The following VSTM1 variants were observed in gnomAD, a reference collection of about 807,000 sequenced individuals.
The protein encoded by VSTM1 is V-set and transmembrane domain-containing protein 1.
In VSTM1, 27 loss-of-function variants were observed where a neutral mutation model predicts 33.1. That is an observed-to-expected ratio of 0.82 (90% CI 0.60 to 1.12). The LOEUF (loss-of-function observed/expected upper bound fraction) is 1.12. Ranked by LOEUF, VSTM1 falls within the 50% of genes most tolerant of loss-of-function variation. The pLI, the probability that VSTM1 is intolerant of heterozygous loss-of-function variation, is 0.00. For synonymous variants in VSTM1, 115 were observed against 110.3 expected (o/e 1.04, Z -0.27); for missense variants, 304 against 288.9 (o/e 1.05, Z -0.38).
At chr19:54,059,842 GTT>G (rs202075904) in intron 1 of VSTM1, among the ~76,000 whole-genome samples, 16 of 139,474 alleles carry the variant, frequency 1.1e-4, no homozygotes, top group East Asian at 6.4e-4. Flanking sequence ...AGAGTGGTGG[GTT>G]TTTTTTTTTT....
intron 6 of VSTM1, 82 bp from the exon 7 acceptor site, chr19:54,042,035 GAGA>G (rs1300606983): frequency 6.2e-6 from 10 of 1,604,546 alleles, no homozygotes; most frequent in Admixed American, 3.3e-5. Context: ...GAGAGGAAGG[GAGA>G]AGAAGGGAGA....
chr19:54,063,372 AAGAG>A (rs371268939), intron 1 of VSTM1, among the ~76,000 whole-genome samples: 2,029 of 152,070 alleles, frequency 0.013, 49 homozygotes, highest in African/African-American at 0.046. Context: ...ATAAATAAAT[AAGAG>A]AGAGAGAGAA....
chr19:54,051,116 ACCCC>A (rs2070817669), intron 4 of VSTM1, among the ~76,000 whole-genome samples: 1 of 150,674 alleles, frequency 6.6e-6, no homozygotes, highest in Admixed American at 6.7e-5. Flanking sequence ...ACATGGTGAA[ACCCC>A]GTCTCTACTA....
rs920213513 is a variant in VSTM1, at chr19:54,055,704, C to T, written c.355+2602G>A. ...TTCAACAGAGCAATTACAATACATT[C>T]GGTTCCATTGTATGGAGTGAGACAT... On this transcript the variant is annotated intron_variant, in intron 3 of 8. Transcript: ENST00000338372. The T allele has an allele frequency of 4.9e-5, 7 of 142,736 alleles. 1 individual carries two copies. The highest frequency in any genetic ancestry group is 2.6e-5 in the African/African-American group (1 of 38,550). 8.8% of individuals were successfully genotyped at this position (142,736 alleles called of 1,614,324 possible). A position where few individuals can be genotyped will look rare whatever the true frequency, so the allele number is the denominator to read the frequency against.
chr19:54,063,456 G>T (rs905783792), intron 1 of VSTM1, among the ~76,000 whole-genome samples: 81 of 152,248 alleles, frequency 5.3e-4, no homozygotes, highest in African/African-American at 1.9e-3. Context: ...CTATTCCGAC[G>T]GAGGATGATG....
Position 54,045,400 on chromosome 19 carries a change from ATCTG to A in VSTM1, c.395-3035_395-3032del, listed in dbSNP as rs201384899. On this transcript the variant is annotated intron_variant, in intron 4 of 8. Coordinates refer to ENST00000338372, the MANE Select transcript of VSTM1 (RefSeq NM_198481.4). ...TCTATCCTATCATATGTAATTAACT[ATCTG>A]TCTGTCTAATTTTTCTATCTTGTTA... Among the ~76,000 whole-genome samples the A allele has an allele frequency of 7.0e-3, 1,066 of 151,876 alleles. 7 individuals carry two copies. Among genetic ancestry groups the A allele is most frequent in the Admixed American group, 9.9e-3 (151 of 15,268 alleles).
rs565439222 is a variant in VSTM1, at chr19:54,051,482, T to C, written c.356-34A>G. ...TAGGAGGGAAGAAAAGGAATTACAC[T>C]AATCATACAGGAACCTTGGGGACAG... On this transcript the variant is annotated intron_variant, in intron 3 of 8. Transcript: ENST00000338372. 17 of 1,569,882 alleles carry C rather than the reference T, an allele frequency of 1.1e-5. No homozygotes were observed. The Admixed American group carries it at 3.1e-4, about 29-fold the overall frequency.
rs770046786 is a variant in VSTM1, at chr19:54,051,458, A to C, written c.356-10T>G. Reference sequence around the variant, plus strand: ...AGTTCATCGTGTTTATCTAGAAAATAGGAGGGAAGAAAAGGAATTACACTA... The same window carrying C: ...AGTTCATCGTGTTTATCTAGAAAATCGGAGGGAAGAAAAGGAATTACACTA... On this transcript the variant is annotated splice_polypyrimidine_tract_variant and intron_variant, in intron 3 of 8. Transcript: ENST00000338372. The C allele has an allele frequency of 1.9e-6, 3 of 1,594,732 alleles. No homozygotes were observed. The African/African-American group carries it at 4.1e-5, about 22-fold the overall frequency.
chr19:54,063,148 A>C (rs1328604243), intron 1 of VSTM1, among the ~76,000 whole-genome samples: 1 of 151,880 alleles, frequency 6.6e-6, no homozygotes, highest in Non-Finnish European at 1.5e-5. Context: ...GACCAGCCTG[A>C]CCAACATGGT....
chr19:54,054,848 A>AATGGATGG lies in VSTM1; in HGVS notation c.356-3408_356-3401dup, dbSNP rs74177847. 5.4e-4 allele frequency among the ~76,000 whole-genome samples: 68 copies of AATGGATGG among 125,408 alleles called. 7 individuals carry two copies. In the East Asian group the frequency reaches 6.3e-3, roughly 12 times the overall value. 82.3% of individuals were successfully genotyped at this position (125,408 alleles called of 152,430 possible). On this transcript the variant is annotated intron_variant, in intron 3 of 8. Coordinates refer to ENST00000338372, the MANE Select transcript of VSTM1 (RefSeq NM_198481.4). ...GGTTGGATGGATTAATGGATAGATGAATGGATGGATGGATGGATGGATGGA... is the reference window on the plus strand; with the variant it reads ...GGTTGGATGGATTAATGGATAGATGAATGGATGGATGGATGGATGGATGGATGGATGGA...
chr19:54,051,317 A>C, intron 4 of VSTM1, 93 bp downstream of exon 4: 6 of 1,123,378 alleles, frequency 5.3e-6, no homozygotes, highest in Non-Finnish European at 7.7e-6. Flanking sequence ...AAACAAACAA[A>C]CAAATAAATA....
chr19:54,052,339 A>G lies in VSTM1; in HGVS notation c.356-891T>C, dbSNP rs2070891416. On this transcript the variant is annotated intron_variant, in intron 3 of 8. Coordinates refer to ENST00000338372, the MANE Select transcript of VSTM1 (RefSeq NM_198481.4). ...CGTGAACCCGGGAGGCGGAGCTTGC[A>G]GTGAGCCGAGATCGCGCCACTGCAC... Among the ~76,000 whole-genome samples, 2 of 142,344 alleles carry G rather than the reference A, an allele frequency of 1.4e-5. 1 individual carries two copies. Among genetic ancestry groups the G allele is most frequent in the Non-Finnish European group, 3.1e-5 (2 of 64,520 alleles). 93.4% of individuals were successfully genotyped at this position (142,344 alleles called of 152,430 possible).
chr19:54,045,292 T>C (rs550363119), intron 4 of VSTM1, among the ~76,000 whole-genome samples: 1 of 152,326 alleles, frequency 6.6e-6, no homozygotes, highest in Admixed American at 6.5e-5. Context: ...CTGTACCTAC[T>C]TACCTATCAT....
intron 1 of VSTM1, among the ~76,000 whole-genome samples, chr19:54,059,036 A>G (rs1413926844): frequency 6.7e-6 from 1 of 148,458 alleles, no homozygotes; most frequent in African/African-American, 2.5e-5. Context: ...GTGTATGGAG[A>G]AAATTCCAGC....
intron 4 of VSTM1, among the ~76,000 whole-genome samples, chr19:54,046,393 G>A (rs2070590519): frequency 6.6e-6 from 1 of 152,146 alleles, no homozygotes; most frequent in Admixed American, 6.6e-5. Flanking sequence ...TAAATATAAG[G>A]AGGGGGCAGA....
In VSTM1 at chr19:54,063,897, G is replaced by A; in HGVS notation, c.-120C>T. The A allele has an allele frequency of 9.0e-7, 1 of 1,114,668 alleles. No individual in the cohort carries two copies. Among genetic ancestry groups the A allele is most frequent in the Non-Finnish European group, 1.3e-6 (1 of 790,130 alleles). 69.0% of individuals were successfully genotyped at this position (1,114,668 alleles called of 1,614,324 possible). ...TTCGTCCCCAGGATGTGCAGATAGA[G>A]GAGGTTTTGCTCTGACACTCTGGTT... On this transcript the variant is annotated 5_prime_UTR_variant, in exon 1 of 9. Transcript: ENST00000338372.
chr19:54,043,147 T>C (rs1037810308), intron 4 of VSTM1, among the ~76,000 whole-genome samples: 22 of 151,990 alleles, frequency 1.4e-4, no homozygotes, highest in Non-Finnish European at 5.9e-5. Context: ...TTTCGACCAA[T>C]AGACTTTGAG....
intron 4 of VSTM1, among the ~76,000 whole-genome samples, chr19:54,046,396 G>A (rs1308310047): frequency 6.6e-6 from 1 of 152,054 alleles, no homozygotes; most frequent in African/African-American, 2.4e-5. Flanking sequence ...ATATAAGGAG[G>A]GGGCAGAGAG....
intron 4 of VSTM1, 126 bp downstream of exon 4, chr19:54,051,282 ACT>A (rs2070828451): frequency 3.5e-6 from 3 of 867,488 alleles, no homozygotes; most frequent in Non-Finnish European, 5.3e-6. Flanking sequence ...ACAAAGCGAG[ACT>A]CTATCTCAAA....
Sources: gnomAD v4.1 joint callset for allele counts (sites outside exome capture counted in the v4.1 genomes callset) on GRCh38, gnomAD v4.1.1 for gene constraint, MANE v1.5 for transcripts, NCBI Gene and HGNC (gene_info 2026-07-23, HGNC 2026-07-21) for gene names.